The following ESF1 variants were observed in gnomAD, a reference collection of about 807,000 sequenced individuals.
ESF1 encodes the protein ESF1 homolog.
Under a neutral mutation model 92.0 loss-of-function variants are expected in ESF1, and 58 were observed. The ratio of observed to expected loss-of-function variants is 0.63; its 90% CI spans 0.51 to 0.78. The LOEUF (loss-of-function observed/expected upper bound fraction) is 0.78, where lower values mean the gene tolerates loss of function less well. ESF1 is among the 30% of genes least tolerant of loss of function. The probability of loss-of-function intolerance (pLI) is 0.00; values close to 1 mark genes in which losing one functional copy is unlikely to be tolerated. For synonymous variants in ESF1, 321 were observed against 313.7 expected, an observed-to-expected ratio of 1.02 and a Z score of -0.24; for missense variants, 922 against 989.1, an observed-to-expected ratio of 0.93 and a Z score of 0.91.
chr20:13,751,450 C>G (rs544017103), intron 9 of ESF1, among the ~76,000 whole-genome samples: 5 of 152,158 alleles, frequency 3.3e-5, no homozygotes, highest in Admixed American at 6.5e-5. Context: ...ACAGTATAGT[C>G]TAGAAACGGT....
intron 2 of ESF1, among the ~76,000 whole-genome samples, chr20:13,781,996 C>T (rs1440192859): frequency 3.3e-5 from 5 of 152,196 alleles, no homozygotes; most frequent in Non-Finnish European, 7.3e-5. Flanking sequence ...CCTGCCTCAG[C>T]CTCCCGAATA....
At chr20:13,766,632 T>A (rs988112988) in intron 8 of ESF1, 145 bp downstream of exon 8, 16 of 667,408 alleles carry the variant, frequency 2.4e-5, no homozygotes, top group Middle Eastern at 4.7e-4. Context: ...GCAAAGAAAA[T>A]TTTTTTTTAA....
chr20:13,714,942 T>C lies in ESF1; in HGVS notation c.2488A>G (p.Met830Val). The C allele has an allele frequency of 1.2e-6, 2 of 1,613,884 alleles. No homozygotes were observed. Among genetic ancestry groups the C allele is most frequent in the Non-Finnish European group, 1.7e-6 (2 of 1,179,878 alleles). Reference sequence around the variant, plus strand: ...TTGGTTTTTATAGATTTAATCAACATTGACAAAGCAGGATCAATGGACTTC... The same window carrying C: ...TTGGTTTTTATAGATTTAATCAACACTGACAAAGCAGGATCAATGGACTTC... ...QRKSIDPALS[M>V]LIKSIKTKTE... Residue 830 changes from methionine (M) to valine (V), a missense_variant, in exon 14 of 14, where the codon ATG becomes GTG. By Grantham distance (21) the Met-to-Val change is conservative. Transcript: ENST00000617257.
In ESF1 at chr20:13,766,857, T is replaced by A; in HGVS notation, c.1586A>T (p.Glu529Val). ...ITMLNRKFKK[E>V]ELLDMDFQAY... ...TTGAAAATCCATGTCCAAAAGCTCT[T>A]CCTTTTTAAACTTCCTGTTGAGCAT... Residue 529 changes from glutamate (E) to valine (V), a missense_variant, in exon 8 of 14, where the codon GAA becomes GTA. Physicochemically the swap from Glu to Val is moderately radical, Grantham distance 121. Coordinates refer to ENST00000617257, the MANE Select transcript of ESF1 (RefSeq NM_001276380.2). 1 of 1,613,908 alleles carries A rather than the reference T, an allele frequency of 6.2e-7. No homozygotes were observed. The highest frequency in any genetic ancestry group is 1.1e-5 in the South Asian group (1 of 91,080).
rs764675791 is a variant in ESF1, at chr20:13,776,028, C to T, written c.880G>A (p.Asp294Asn). 1 of 1,613,904 alleles carries T rather than the reference C, an allele frequency of 6.2e-7. No homozygotes were observed. Among genetic ancestry groups the T allele is most frequent in the Non-Finnish European group, 8.5e-7 (1 of 1,179,908 alleles). Residue 294 changes from aspartate (D) to asparagine (N), a missense_variant, in exon 3 of 14, where the codon GAT becomes AAT. Physicochemically the swap from Asp to Asn is conservative, Grantham distance 23 (BLOSUM62 1). Transcript: ENST00000617257. ...EDEDEDSEDD[D>N]KSDSGPDLAR... is the part of the protein sequence containing the mutation. The stretch of plus-strand genomic sequence containing the variant: ...AGATCAGGGCCACTGTCACTTTTAT[C>T]ATCATCCTCACTATCCTCATCTTCA...
At chr20:13,772,710 G>C in intron 4 of ESF1, 95 bp from the exon 5 acceptor site, 1 of 841,448 alleles carries the variant, frequency 1.2e-6, no homozygotes, top group Non-Finnish European at 2.0e-6. Flanking sequence ...GTCACAACTT[G>C]ACTCAATGAA....
intron 5 of ESF1, among the ~76,000 whole-genome samples, chr20:13,772,068 A>C (rs1979711382): frequency 6.6e-6 from 1 of 151,652 alleles, no homozygotes; most frequent in East Asian, 1.9e-4. Flanking sequence ...AACTATCTTA[A>C]ATTATTTTCT....
chr20:13,720,196 G>A (rs1600263630), intron 11 of ESF1, among the ~76,000 whole-genome samples: 1 of 152,086 alleles, frequency 6.6e-6, no homozygotes, highest in Non-Finnish European at 1.5e-5. Flanking sequence ...CTGTACTGCT[G>A]AGTGAACTGC....
chr20:13,717,596 C>T, intron 12 of ESF1, 82 bp from the exon 13 acceptor site: 1 of 1,479,088 alleles, frequency 6.8e-7, no homozygotes, highest in Non-Finnish European at 9.2e-7. Context: ...CAGAAGATAT[C>T]TCTTCTAGAA....
rs1380699263 is a variant in ESF1, at chr20:13,733,817, C to T, written c.1854G>A (p.Met618Ile). ...VPGLKESAEEMVKNKLEGKDK... is the reference protein window; with the variant it reads ...VPGLKESAEEIVKNKLEGKDK... Reference sequence around the variant, plus strand: ...CCTTTCCTTCCAATTTGTTTTTGACCATCTCTTCTGCACTTTCTTTAAGAC... The same window carrying T: ...CCTTTCCTTCCAATTTGTTTTTGACTATCTCTTCTGCACTTTCTTTAAGAC... The change falls in exon 10 of 14, where the codon ATG becomes ATA. Residue 618 changes from methionine (M) to isoleucine (I), a missense_variant. By Grantham distance (10) the Met-to-Ile change is conservative. Transcript: ENST00000617257. 6 of 1,611,722 alleles carry T rather than the reference C, an allele frequency of 3.7e-6. No homozygotes were observed. Among genetic ancestry groups the T allele is most frequent in the Non-Finnish European group, 5.1e-6 (6 of 1,179,276 alleles).
intron 4 of ESF1, among the ~76,000 whole-genome samples, chr20:13,774,772 G>A (rs1979848535): frequency 6.6e-6 from 1 of 152,098 alleles, no homozygotes; most frequent in Admixed American, 6.5e-5. Context: ...CTTCACATAG[G>A]TCATTTGTGT....
chr20:13,742,404 T>C (rs2050019596), intron 9 of ESF1, among the ~76,000 whole-genome samples: 1 of 151,652 alleles, frequency 6.6e-6, no homozygotes, highest in Admixed American at 6.6e-5. Context: ...ACCCAGGAGA[T>C]GGAGGTTGCA....
chr20:13,777,921 C>T (rs1980015429), intron 2 of ESF1, among the ~76,000 whole-genome samples: 1 of 152,216 alleles, frequency 6.6e-6, no homozygotes, highest in Non-Finnish European at 1.5e-5. Flanking sequence ...TAGTTATTCA[C>T]TGACCAAATA....
intron 6 of ESF1, among the ~76,000 whole-genome samples, chr20:13,770,356 C>A (rs1340308155): frequency 6.6e-6 from 1 of 152,168 alleles, no homozygotes; most frequent in African/African-American, 2.4e-5. Flanking sequence ...ATAGTGCAGT[C>A]ATTGACTACA....
chr20:13,730,703 A>AT (rs750007187), intron 10 of ESF1, among the ~76,000 whole-genome samples: 15,922 of 143,466 alleles, frequency 0.11, 1,019 homozygotes, highest in Non-Finnish European at 0.15. Flanking sequence ...GCTTCTAAGA[A>AT]TTTTTTTTTT....
chr20:13,779,217 AC>A (rs1021915083), intron 2 of ESF1, among the ~76,000 whole-genome samples: 3 of 152,012 alleles, frequency 2.0e-5, no homozygotes, highest in African/African-American at 7.3e-5. Context: ...CAAACAAAAA[AC>A]AAAAAAAAAC....
chr20:13,742,227 G>C (rs1171134757), intron 9 of ESF1, among the ~76,000 whole-genome samples: 1 of 152,054 alleles, frequency 6.6e-6, no homozygotes, highest in Non-Finnish European at 1.5e-5. Context: ...AATTAGCCGG[G>C]TGTGGTGGTG....
At chr20:13,741,551 G>A (rs1292366776) in intron 9 of ESF1, among the ~76,000 whole-genome samples, 1 of 152,060 alleles carries the variant, frequency 6.6e-6, no homozygotes, top group Non-Finnish European at 1.5e-5. Context: ...CTAGAGGAAA[G>A]GAGAGATTAT....
At chr20:13,739,112 C>A (rs1207174293) in intron 9 of ESF1, among the ~76,000 whole-genome samples, 1 of 152,100 alleles carries the variant, frequency 6.6e-6, no homozygotes, top group Non-Finnish European at 1.5e-5. Flanking sequence ...ATATAACCCT[C>A]AATTCTATAT....
Sources: allele counts gnomAD v4.1 joint callset (sites outside exome capture counted in the v4.1 genomes callset), GRCh38; gene constraint gnomAD v4.1.1; transcripts MANE v1.5; gene names NCBI Gene and HGNC (gene_info 2026-07-23, HGNC 2026-07-21).